LYRM4: variants seen among roughly 807,000 people sequenced by gnomAD.
LYRM4 encodes LYR motif containing 4.
In LYRM4, 9 loss-of-function variants were observed where a neutral mutation model predicts 11.7. The ratio of observed to expected loss-of-function variants is 0.77; its 90% confidence interval spans 0.46 to 1.34. LYRM4 has a LOEUF of 1.34. LYRM4 is among the 40% of genes most tolerant of loss of function. The probability of loss-of-function intolerance (pLI) is 0.00; values close to 1 mark genes in which losing one functional copy is unlikely to be tolerated. For missense variants in LYRM4, 133 were observed against 112.5 expected, an observed-to-expected ratio of 1.18 and a Z score of -0.82; for synonymous variants, 42 against 40.4, an observed-to-expected ratio of 1.04 and a Z score of -0.15.
At chr6:5,052,844 A>G in the LYRM4 span, among the ~76,000 whole-genome samples, 1 of 152,062 alleles carries the variant, frequency 6.6e-6, no homozygotes, top group African/African-American at 2.4e-5. Flanking sequence ...TCTATGCTTC[A>G]CTCCTACTCA....
At position 5,222,781 on chromosome 6, in the gene LYRM4, AG is replaced by A. The variant is rs2127731599; in HGVS notation, c.87-6044del. ...CAAAACAAGAAAAAAAAAAAAAGAAAGATTAGAATGCTAGAGAATATGTACA... is the reference window on the plus strand; with the variant it reads ...CAAAACAAGAAAAAAAAAAAAAGAAAATTAGAATGCTAGAGAATATGTACA... On this transcript the variant is annotated intron_variant, in intron 1 of 2. Coordinates refer to ENST00000330636, the MANE Select transcript of LYRM4 (RefSeq NM_020408.6). Among the ~76,000 whole-genome samples the A allele has an allele frequency of 2.6e-5, 4 of 151,778 alleles. No homozygotes were observed. In the East Asian group the frequency reaches 5.8e-4, roughly 22 times the overall value.
intron 2 of LYRM4, among the ~76,000 whole-genome samples, chr6:5,215,100 A>G (rs567881931): frequency 2.6e-5 from 4 of 151,672 alleles, no homozygotes; most frequent in Non-Finnish European, 5.9e-5. Flanking sequence ...ACAGACAATT[A>G]GATATAGCGG....
chr6:5,150,612 G>C (rs1380943311), intron 2 of LYRM4, among the ~76,000 whole-genome samples: 1 of 152,082 alleles, frequency 6.6e-6, no homozygotes, highest in Non-Finnish European at 1.5e-5. Context: ...CTCTCCTTTG[G>C]CCACCTTGAA....
In LYRM4 at chr6:5,228,196, T is replaced by C. The variant is rs533499942; in HGVS notation, c.87-11458A>G. On this transcript the variant is annotated intron_variant, in intron 1 of 2. Transcript: ENST00000330636. ...CCTATTGATCACAATGTAGTAAATA[T>C]GGCAGAAAAACCCCCTAAATTCATG... Among the ~76,000 whole-genome samples the C allele has an allele frequency of 2.6e-5, 4 of 152,256 alleles. No homozygotes were observed. The East Asian group carries it at 5.8e-4, about 22-fold the overall frequency.
the LYRM4 span, among the ~76,000 whole-genome samples, chr6:5,081,009 G>T: frequency 6.6e-6 from 1 of 152,034 alleles, no homozygotes; most frequent in African/African-American, 2.4e-5. Context: ...CCTGTTTGGG[G>T]TGGCTTGTTA....
intron 2 of LYRM4, among the ~76,000 whole-genome samples, chr6:5,131,828 T>C (rs1356934764): frequency 6.6e-6 from 1 of 152,194 alleles, no homozygotes; most frequent in African/African-American, 2.4e-5. Flanking sequence ...AACGACATTA[T>C]AGAAGAATAT....
chr6:5,218,694 A>C (rs1229496519), intron 1 of LYRM4, among the ~76,000 whole-genome samples: 1 of 152,170 alleles, frequency 6.6e-6, no homozygotes, highest in Non-Finnish European at 1.5e-5. Context: ...TGGGCATGGA[A>C]TCCATGTACT....
the LYRM4 span, among the ~76,000 whole-genome samples, chr6:5,093,293 C>T: frequency 1.3e-5 from 2 of 152,312 alleles, no homozygotes; most frequent in East Asian, 3.9e-4. Flanking sequence ...GAAAATGATG[C>T]CTTTGAGATG....
the LYRM4 span, among the ~76,000 whole-genome samples, chr6:5,039,280 T>C: frequency 1.3e-5 from 2 of 152,218 alleles, no homozygotes; most frequent in African/African-American, 2.4e-5. Context: ...TAACATGGCA[T>C]TTACTCAATT....
rs375091108 is a variant in LYRM4 at position 5,189,754 on chromosome 6, G to C, written c.207+26864C>G. 5.9e-5 allele frequency among the ~76,000 whole-genome samples: 9 copies of C among 152,270 alleles called. No homozygotes were observed. In the South Asian group the frequency reaches 1.5e-3, roughly 25 times the overall value. ...AAAGCAAAAAAGTAAAACACACAAA[G>C]GTGGCTAAATCACCTGTCTAAAAAA... On this transcript the variant is annotated intron_variant, in intron 2 of 2. Transcript: ENST00000330636.
intron 2 of LYRM4, among the ~76,000 whole-genome samples, chr6:5,199,041 C>T (rs2127702000): frequency 6.6e-6 from 1 of 152,276 alleles, no homozygotes. Flanking sequence ...ATGACCCAGC[C>T]ATTCCACTTC....
chr6:5,044,835 T>C, the LYRM4 span, among the ~76,000 whole-genome samples: 1 of 152,228 alleles, frequency 6.6e-6, no homozygotes, highest in South Asian at 2.1e-4. Flanking sequence ...CTTTTGTTGT[T>C]ACACAGTTAT....
intron 2 of LYRM4, among the ~76,000 whole-genome samples, chr6:5,145,398 T>C (rs1372164596): frequency 6.6e-6 from 1 of 152,222 alleles, no homozygotes. Flanking sequence ...GCACCAGTAT[T>C]GTTCTCATTT....
At chr6:5,096,352 T>C in the LYRM4 span, among the ~76,000 whole-genome samples, 2 of 152,000 alleles carry the variant, frequency 1.3e-5, no homozygotes, top group Non-Finnish European at 2.9e-5. Context: ...TAGCTGGTTG[T>C]AGTGGCGCAC....
chr6:5,157,328 G>C (rs577717215), intron 2 of LYRM4, among the ~76,000 whole-genome samples: 2 of 152,068 alleles, frequency 1.3e-5, no homozygotes, highest in African/African-American at 4.8e-5. Flanking sequence ...TATCTGTGAC[G>C]GACTATGATG....
chr6:5,038,250 C>T, the LYRM4 span, among the ~76,000 whole-genome samples: 1 of 60,410 alleles, frequency 1.7e-5, no homozygotes, highest in Non-Finnish European at 4.0e-5. Context: ...GATGGGATGG[C>T]GGCTGGGAAG....
intron 2 of LYRM4, among the ~76,000 whole-genome samples, chr6:5,207,159 C>T (rs1355016528): frequency 6.6e-6 from 1 of 152,156 alleles, no homozygotes; most frequent in African/African-American, 2.4e-5. Context: ...TATTATATCT[C>T]AGGGAGGAAA....
chr6:5,187,602 C>CG (rs1389202736), intron 2 of LYRM4, among the ~76,000 whole-genome samples: 3 of 141,036 alleles, frequency 2.1e-5, no homozygotes, highest in East Asian at 2.4e-4. Flanking sequence ...CGGGGCCTGT[C>CG]GGGGGGTTGG....
intron 1 of LYRM4, among the ~76,000 whole-genome samples, chr6:5,259,088 T>TA (rs140870762): frequency 1.2e-5 from 1 of 82,090 alleles, no homozygotes; most frequent in African/African-American, 9.1e-5. Flanking sequence ...TTGTCCAAGT[T>TA]AGTCTTCGAG....
Sources: gnomAD v4.1 joint callset for allele counts (sites outside exome capture counted in the v4.1 genomes callset) on GRCh38, gnomAD v4.1.1 for gene constraint, MANE v1.5 for transcripts, NCBI Gene and HGNC (gene_info 2026-07-23, HGNC 2026-07-21) for gene names.